The following CAPZA2 variants were observed in gnomAD, a reference collection of about 807,000 sequenced individuals.
CAPZA2 encodes capping actin protein of muscle Z-line subunit alpha 2, also known as F-actin-capping protein subunit alpha-2.
CAPZA2 carries 13 observed loss-of-function variants against 44.0 expected under a neutral mutation model. The observed-to-expected ratio is 0.30, with a 90% CI of 0.19 to 0.47. The LOEUF (loss-of-function observed/expected upper bound fraction) is 0.47, where lower values mean the gene tolerates loss of function less well. CAPZA2 is among the 20% of genes least tolerant of loss of function. The pLI, the probability that CAPZA2 is intolerant of heterozygous loss-of-function variation, is 1.00. For missense variants in CAPZA2, 244 were observed against 338.6 expected (o/e 0.72, Z 2.19); for synonymous variants, 94 against 108.2 (o/e 0.87, Z 0.81).
At position 116,920,261 on chromosome 7, in the gene CAPZA2, TAAA is replaced by T; in HGVS notation, c.*2396_*2398del. 6.8e-6 allele frequency: 1 copy of T among 146,800 alleles called. No individual in the cohort carries two copies. The highest frequency in any genetic ancestry group is 1.5e-5 in the Non-Finnish European group (1 of 66,104). The allele number at this position is 146,800 out of a possible 1,614,324, so 9.1% of individuals were successfully genotyped here. On this transcript the variant is annotated 3_prime_UTR_variant, in exon 10 of 10. Coordinates refer to ENST00000361183, the MANE Select transcript of CAPZA2 (RefSeq NM_006136.3). ...CTCTGTCTCAAAATAATAATAATAA[TAAA>T]AGAATGGCATTTATTAAAGTGAAAG...
intron 1 of CAPZA2, among the ~76,000 whole-genome samples, chr7:116,877,974 G>A (rs1796642703): frequency 6.6e-6 from 1 of 152,158 alleles, no homozygotes; most frequent in Non-Finnish European, 1.5e-5. Context: ...AAATAAAAGG[G>A]GAATGGACTT....
chr7:116,879,313 G>A (rs1329381818), intron 1 of CAPZA2, among the ~76,000 whole-genome samples: 1 of 152,018 alleles, frequency 6.6e-6, no homozygotes, highest in Non-Finnish European at 1.5e-5. Context: ...AGATCATACT[G>A]TAAACCATTA....
chr7:116,901,078 C>T (rs189673012), intron 4 of CAPZA2, among the ~76,000 whole-genome samples: 1 of 151,936 alleles, frequency 6.6e-6, no homozygotes, highest in Non-Finnish European at 1.5e-5. Flanking sequence ...GTATATTCAA[C>T]TATTATAGAA....
At chr7:116,878,962 C>T (rs932514850) in intron 1 of CAPZA2, among the ~76,000 whole-genome samples, 2 of 151,726 alleles carry the variant, frequency 1.3e-5, no homozygotes. Context: ...CCCATCTCTG[C>T]TAAAAATACA....
rs116900901 is a variant in CAPZA2, at chr7:116,919,086, T to G, written c.*1219T>G. The G allele has an allele frequency of 0.033, 4,988 of 151,936 alleles. 107 individuals are homozygous for G. Among genetic ancestry groups the G allele is most frequent in the Non-Finnish European group, 0.051 (3,468 of 67,896 alleles). The allele number at this position is 151,936 out of a possible 1,614,324, so 9.4% of individuals were successfully genotyped here. ...TGGGCCTGGAAATTTTTTTTTTATT[T>G]TATTTTATTGTTTTTTTTTTTAGAA... On this transcript the variant is annotated 3_prime_UTR_variant, in exon 10 of 10. Coordinates refer to ENST00000361183, the MANE Select transcript of CAPZA2 (RefSeq NM_006136.3).
chr7:116,914,337 T>G (rs1668516060), intron 8 of CAPZA2, among the ~76,000 whole-genome samples: 1 of 151,538 alleles, frequency 6.6e-6, no homozygotes, highest in Non-Finnish European at 1.5e-5. Context: ...CCAGAAAAAT[T>G]TATTTTTAAC....
intron 8 of CAPZA2, among the ~76,000 whole-genome samples, chr7:116,914,488 G>A (rs1791651985): frequency 6.7e-6 from 1 of 148,512 alleles, no homozygotes; most frequent in Admixed American, 6.7e-5. Context: ...TTTGAGACAG[G>A]GTGTCACTCT....
intron 1 of CAPZA2, among the ~76,000 whole-genome samples, chr7:116,863,026 AGGG>A (rs1562954803): frequency 6.6e-6 from 1 of 151,942 alleles, no homozygotes; most frequent in Non-Finnish European, 1.5e-5. Flanking sequence ...AGGGACGCAA[AGGG>A]GTTTGCGTCC....
intron 4 of CAPZA2, among the ~76,000 whole-genome samples, chr7:116,899,844 A>G (rs1250728622): frequency 1.3e-5 from 2 of 151,694 alleles, no homozygotes; most frequent in Non-Finnish European, 3.0e-5. Flanking sequence ...TTAAATATTT[A>G]AAACTAAAAA....
At chr7:116,870,740 C>A (rs1178147014) in intron 1 of CAPZA2, among the ~76,000 whole-genome samples, 1 of 152,074 alleles carries the variant, frequency 6.6e-6, no homozygotes, top group Non-Finnish European at 1.5e-5. Context: ...GGTTTAAGTT[C>A]GTCCCACAAG....
In CAPZA2 at chr7:116,900,298, T is replaced by G. The variant is rs146004232; in HGVS notation, c.219+1463T>G. 1.0e-2 allele frequency among the ~76,000 whole-genome samples: 1,505 copies of G among 151,038 alleles called. 23 individuals are homozygous for G. The highest frequency in any genetic ancestry group is 0.033 in the African/African-American group (1,373 of 41,230). ...TTATCATAAATGGAGATGTAGCAAATAAGACAAAAACATGAGAACTTGTAA... is the reference window on the plus strand; with the variant it reads ...TTATCATAAATGGAGATGTAGCAAAGAAGACAAAAACATGAGAACTTGTAA... On this transcript the variant is annotated intron_variant, in intron 4 of 9. Transcript: ENST00000361183.
chr7:116,899,289 A>T (rs944254693), intron 4 of CAPZA2, among the ~76,000 whole-genome samples: 6 of 151,984 alleles, frequency 3.9e-5, no homozygotes, highest in Non-Finnish European at 8.8e-5. Context: ...AAAGGTCACT[A>T]GCATTTTTTT....
At chr7:116,914,299 G>A (rs1425371942) in intron 8 of CAPZA2, among the ~76,000 whole-genome samples, 2 of 152,106 alleles carry the variant, frequency 1.3e-5, no homozygotes, top group Non-Finnish European at 2.9e-5. Context: ...AAAGTGCTGG[G>A]ATTACAGGCG....
rs1796431265 is a variant in CAPZA2, at chr7:116,862,609, A to T, written c.-3A>T. ...GCCGCCGCGGTTTGTCGCCAGAAGGAAGATGGCGGATCTGGAGGAGCAGTT... is the reference window on the plus strand; with the variant it reads ...GCCGCCGCGGTTTGTCGCCAGAAGGTAGATGGCGGATCTGGAGGAGCAGTT... On this transcript the variant is annotated 5_prime_UTR_variant, in exon 1 of 10. Transcript: ENST00000361183. The T allele has an allele frequency of 6.5e-7, 1 of 1,538,834 alleles. No homozygotes were observed. Among genetic ancestry groups the T allele is most frequent in the Admixed American group, 2.0e-5 (1 of 50,350 alleles).
At position 116,920,562 on chromosome 7, in the gene CAPZA2, G is replaced by C. The variant is rs80123532; in HGVS notation, c.*2695G>C. Reference sequence around the variant, plus strand: ...GTTTGGTCATGGAGTGTGAGATAAAGAGAACCATGTCTGGGGCTGGAGAAA... The same window carrying C: ...GTTTGGTCATGGAGTGTGAGATAAACAGAACCATGTCTGGGGCTGGAGAAA... On this transcript the variant is annotated 3_prime_UTR_variant, in exon 10 of 10. Transcript: ENST00000361183. 0.06 allele frequency: 9,183 copies of C among 152,438 alleles called. 928 individuals carry two copies. The highest frequency in any genetic ancestry group is 0.21 in the African/African-American group (8,644 of 41,482). The allele number at this position is 152,438 out of a possible 1,614,324, so 9.4% of individuals were successfully genotyped here. A position where few individuals can be genotyped will look rare whatever the true frequency, so the allele number is the denominator to read the frequency against.
At chr7:116,907,595 C>CT (rs1361306253) in intron 6 of CAPZA2, among the ~76,000 whole-genome samples, 1 of 152,084 alleles carries the variant, frequency 6.6e-6, no homozygotes, top group Non-Finnish European at 1.5e-5. Context: ...TTTTTAAAAT[C>CT]TAATTCCTTT....
In CAPZA2 at chr7:116,887,428, G is replaced by A. The variant is rs576336084; in HGVS notation, c.40-699G>A. On this transcript the variant is annotated intron_variant, in intron 1 of 9. Transcript: ENST00000361183. ...CTGTAGTCCCAGCTGCTCAGGAGGC[G>A]GAGGTAGGAGGATGGCTTGAGCCCA... 5.3e-5 allele frequency among the ~76,000 whole-genome samples: 8 copies of A among 151,008 alleles called. No homozygotes were observed. In the South Asian group the frequency reaches 8.4e-4, roughly 16 times the overall value.
In CAPZA2 at chr7:116,903,601, G is replaced by A. The variant is rs144924664; in HGVS notation, c.220-576G>A. On this transcript the variant is annotated intron_variant, in intron 4 of 9. Transcript: ENST00000361183. ...AATATCAGATTATACATTATGCATT[G>A]TGGATGTATTATTTAAATTTATGGA... is the stretch of plus-strand genomic sequence containing the variant. Among the ~76,000 whole-genome samples, 496 of 152,296 alleles carry A rather than the reference G, an allele frequency of 3.3e-3. 2 individuals are homozygous for A. The highest frequency in any genetic ancestry group is 5.5e-3 in the Non-Finnish European group (373 of 68,022).
chr7:116,914,676 T>C (rs1166119624), intron 8 of CAPZA2, among the ~76,000 whole-genome samples: 1 of 152,082 alleles, frequency 6.6e-6, no homozygotes, highest in Non-Finnish European at 1.5e-5. Flanking sequence ...CAGGCTGGTC[T>C]CAAACCCTGG....
Sources: allele counts gnomAD v4.1 joint callset (sites outside exome capture counted in the v4.1 genomes callset), GRCh38; gene constraint gnomAD v4.1.1; transcripts MANE v1.5; gene names NCBI Gene and HGNC (gene_info 2026-07-23, HGNC 2026-07-21).